The following WWC2 variants were observed in gnomAD, a reference collection of about 807,000 sequenced individuals.
The protein encoded by WWC2 is WW and C2 domain containing 2.
WWC2 carries 101 observed loss-of-function variants against 138.5 expected under a neutral mutation model. The observed-to-expected ratio is 0.73, with a 90% CI of 0.62 to 0.86. The LOEUF is 0.86. Ranked by LOEUF, WWC2 falls within the 40% of genes least tolerant of loss-of-function variation. The pLI is 0.00. For missense variants in WWC2, 1,420 were observed against 1,419.4 expected, an observed-to-expected ratio of 1.00 and a Z score of -0.01; for synonymous variants, 558 against 538.4, an observed-to-expected ratio of 1.04 and a Z score of -0.50.
chr4:183,189,887 A>G (rs149958659), intron 1 of WWC2, among the ~76,000 whole-genome samples: 118 of 152,314 alleles, frequency 7.7e-4, no homozygotes, highest in African/African-American at 2.6e-3. Context: ...GAAGTGAACA[A>G]ATACATCACT....
intron 19 of WWC2, among the ~76,000 whole-genome samples, chr4:183,285,717 G>A (rs780472753): frequency 1.3e-5 from 2 of 151,972 alleles, no homozygotes; most frequent in Non-Finnish European, 2.9e-5. Context: ...CCGAGATCAC[G>A]CCACTGCACT....
intron 21 of WWC2, among the ~76,000 whole-genome samples, chr4:183,307,402 C>T (rs1459778987): frequency 6.6e-6 from 1 of 152,244 alleles, no homozygotes; most frequent in East Asian, 1.9e-4. Flanking sequence ...TCTCTGCAAT[C>T]TCTTTTGGAG....
chr4:183,261,938 G>T (rs996059347), intron 11 of WWC2, among the ~76,000 whole-genome samples: 1 of 152,158 alleles, frequency 6.6e-6, no homozygotes, highest in Non-Finnish European at 1.5e-5. Context: ...TAGTACCAAG[G>T]TTCAGTGTTT....
chr4:183,187,554 A>AATAATAAT (rs1734844385), intron 1 of WWC2, among the ~76,000 whole-genome samples: 1 of 127,634 alleles, frequency 7.8e-6, no homozygotes, highest in African/African-American at 3.0e-5. Context: ...CTCCGTCTCA[A>AATAATAAT]AATAATAATA....
chr4:183,270,190 A>G (rs1173207802), intron 15 of WWC2, among the ~76,000 whole-genome samples: 1 of 152,224 alleles, frequency 6.6e-6, no homozygotes, highest in Non-Finnish European at 1.5e-5. Flanking sequence ...TAGATGTCAT[A>G]TTTAGTATAA....
chr4:183,155,851 G>A (rs540669813), intron 1 of WWC2, among the ~76,000 whole-genome samples: 3 of 152,056 alleles, frequency 2.0e-5, no homozygotes, highest in Non-Finnish European at 4.4e-5. Context: ...ACCTTTTTCC[G>A]GTTCTGTCTG....
At chr4:183,298,204 CT>C (rs751006481) in intron 21 of WWC2, among the ~76,000 whole-genome samples, 11 of 152,176 alleles carry the variant, frequency 7.2e-5, no homozygotes, top group Non-Finnish European at 1.2e-4. Flanking sequence ...ACCTGACAGT[CT>C]TAATAATTTG....
In WWC2 at chr4:183,180,686, A is replaced by T. The variant is rs908224862; in HGVS notation, c.132-12913A>T. 2.0e-5 allele frequency among the ~76,000 whole-genome samples: 3 copies of T among 152,144 alleles called. No homozygotes were observed. The South Asian group carries it at 6.2e-4, about 32-fold the overall frequency. On this transcript the variant is annotated intron_variant, in intron 1 of 22. Transcript: ENST00000403733. ...TTCTTAATGCATGCTATATAATAAC[A>T]TTATATATCTTGAAAACATTTTGCC...
intron 4 of WWC2, among the ~76,000 whole-genome samples, chr4:183,220,627 G>C (rs923674870): frequency 2.6e-5 from 4 of 151,820 alleles, no homozygotes; most frequent in African/African-American, 4.8e-5. Flanking sequence ...AAGGTCAGGA[G>C]ATTGAGACCA....
chr4:183,251,706 T>C (rs563606709), intron 8 of WWC2, among the ~76,000 whole-genome samples: 52 of 152,358 alleles, frequency 3.4e-4, no homozygotes, highest in African/African-American at 1.2e-3. Flanking sequence ...ACATTGGTTC[T>C]TTCCCACTTG....
chr4:183,269,067 T>G lies in WWC2; in HGVS notation c.2304T>G (p.Asp768Glu). Residue 768 changes from aspartate to glutamate, a missense_variant, in exon 15 of 23, where the codon GAT becomes GAG. Coordinates refer to ENST00000403733, the MANE Select transcript of WWC2 (RefSeq NM_024949.6). ...CCACAGAATCCATTTTATTCAATGA[T>G]GTGTTCAGAGTCGCCATTTCCCAAA... is the stretch of plus-strand genomic sequence containing the variant. ...HPPTESILFN[D>E]VFRVAISQTA... The G allele has an allele frequency of 6.2e-7, 1 of 1,613,972 alleles. No homozygotes were observed. Among genetic ancestry groups the G allele is most frequent in the South Asian group, 1.1e-5 (1 of 91,084 alleles).
chr4:183,103,724 G>A (rs1488721627), intron 1 of WWC2, among the ~76,000 whole-genome samples: 3 of 145,116 alleles, frequency 2.1e-5, no homozygotes, highest in Non-Finnish European at 3.0e-5. Context: ...TGCAACCTCC[G>A]CCGCCTGGGT....
intron 6 of WWC2, among the ~76,000 whole-genome samples, chr4:183,247,566 A>G (rs945599367): frequency 7.0e-6 from 1 of 142,564 alleles, no homozygotes; most frequent in Non-Finnish European, 1.5e-5. Flanking sequence ...TATACTATAT[A>G]TGCTCTATAT....
At chr4:183,175,911 T>G (rs1281581633) in intron 1 of WWC2, among the ~76,000 whole-genome samples, 9 of 152,264 alleles carry the variant, frequency 5.9e-5, no homozygotes, top group Non-Finnish European at 8.8e-5. Context: ...TTGTCTTCAC[T>G]GTGATGAAGA....
chr4:183,195,608 T>G (rs1396686005), intron 2 of WWC2, among the ~76,000 whole-genome samples: 1 of 152,212 alleles, frequency 6.6e-6, no homozygotes, highest in African/African-American at 2.4e-5. Flanking sequence ...TTCTTTTGTC[T>G]TAATGTATAA....
intron 21 of WWC2, among the ~76,000 whole-genome samples, chr4:183,300,547 C>T (rs961734171): frequency 1.3e-5 from 2 of 152,008 alleles, no homozygotes; most frequent in African/African-American, 4.8e-5. Flanking sequence ...AAGTATTCAG[C>T]ATTGAGGTCT....
At chr4:183,141,904 T>C (rs1275766373) in intron 1 of WWC2, among the ~76,000 whole-genome samples, 2 of 152,228 alleles carry the variant, frequency 1.3e-5, no homozygotes, top group African/African-American at 4.8e-5. Flanking sequence ...AGCAAAAAGC[T>C]TAGCAGAGAC....
In WWC2 at chr4:183,271,145, C is replaced by G; in HGVS notation, c.2466C>G (p.Asn822Lys). 1 of 1,613,064 alleles carries G rather than the reference C, an allele frequency of 6.2e-7. No homozygotes were observed. The highest frequency in any genetic ancestry group is 8.5e-7 in the Non-Finnish European group (1 of 1,179,510). ...FSSEVFTLWYNLLPSKQMPCK... is the reference protein window; with the variant it reads ...FSSEVFTLWYKLLPSKQMPCK... Reference sequence around the variant, plus strand: ...GTGAGGTTTTCACTCTATGGTATAACTTGCTTCCTTCCAAGCAAATGCCTT... The same window carrying G: ...GTGAGGTTTTCACTCTATGGTATAAGTTGCTTCCTTCCAAGCAAATGCCTT... The change falls in exon 16 of 23, where the codon AAC (asparagine) becomes AAG (lysine). Residue 822 changes from asparagine (N) to lysine (K), a missense_variant. Asn to Lys is a moderately conservative substitution (Grantham distance 94). Transcript: ENST00000403733.
At chr4:183,250,851 G>A (rs749422545) in intron 8 of WWC2, among the ~76,000 whole-genome samples, 7 of 152,124 alleles carry the variant, frequency 4.6e-5, no homozygotes, top group Admixed American at 1.3e-4. Flanking sequence ...GCTCAGCTGA[G>A]AACCAGATAT....
Sources: gnomAD v4.1 joint callset for allele counts (sites outside exome capture counted in the v4.1 genomes callset) on GRCh38, gnomAD v4.1.1 for gene constraint, MANE v1.5 for transcripts, NCBI Gene and HGNC (gene_info 2026-07-23, HGNC 2026-07-21) for gene names.